The following BRINP3 variants were observed in gnomAD, a reference collection of about 807,000 sequenced individuals.
The protein encoded by BRINP3 is BMP/retinoic acid inducible neural specific 3, also known as BMP/retinoic acid-inducible neural-specific protein 3.
A neutral mutation model predicts 71.0 loss-of-function variants in BRINP3; 19 were observed. The ratio of observed to expected loss-of-function variants is 0.27; its 90% CI spans 0.19 to 0.39. The LOEUF (loss-of-function observed/expected upper bound fraction) is 0.39. Ranked by LOEUF, BRINP3 falls within the 10% of genes least tolerant of loss-of-function variation. BRINP3 has a pLI of 1.00. For missense variants in BRINP3, 959 were observed against 940.8 expected (o/e 1.02, Z -0.25); for synonymous variants, 380 against 337.7 (o/e 1.13, Z -1.37).
rs969375611 is a variant in BRINP3 at position 190,425,509 on chromosome 1, C to A, written c.236+29146G>T. Among the ~76,000 whole-genome samples the A allele has an allele frequency of 2.0e-5, 3 of 151,782 alleles. No homozygotes were observed. The South Asian group carries it at 6.2e-4, about 31-fold the overall frequency. Reference sequence around the variant, plus strand: ...ACAGTATGCTAGAACTAAGAAAGTGCCAATTCACTTGTTTCAAAGAAGTGT... The same window carrying A: ...ACAGTATGCTAGAACTAAGAAAGTGACAATTCACTTGTTTCAAAGAAGTGT... On this transcript the variant is annotated intron_variant, in intron 2 of 7. Coordinates refer to ENST00000367462, the MANE Select transcript of BRINP3 (RefSeq NM_199051.3).
intron 4 of BRINP3, among the ~76,000 whole-genome samples, chr1:190,257,776 C>T (rs559178487): frequency 6.6e-6 from 1 of 152,162 alleles, no homozygotes; most frequent in Non-Finnish European, 1.5e-5. Context: ...GAGGTCCACT[C>T]CAGACCCTGT....
chr1:190,474,002 C>G (rs1229026333), intron 1 of BRINP3, among the ~76,000 whole-genome samples: 2 of 152,010 alleles, frequency 1.3e-5, no homozygotes, highest in Non-Finnish European at 2.9e-5. Context: ...TCAAGAAACC[C>G]TTAATAGTTC....
chr1:190,249,719 T>A (rs1306787485), intron 4 of BRINP3, among the ~76,000 whole-genome samples: 1 of 151,818 alleles, frequency 6.6e-6, no homozygotes, highest in East Asian at 1.9e-4. Context: ...TTTAAGCCAT[T>A]TTTGAGTTAC....
chr1:190,211,889 T>C (rs1228552376), intron 6 of BRINP3, among the ~76,000 whole-genome samples: 1 of 152,052 alleles, frequency 6.6e-6, no homozygotes, highest in African/African-American at 2.4e-5. Context: ...CAGTCAGGCA[T>C]TGATAAGTCA....
chr1:190,442,019 A>T (rs1410267424), intron 2 of BRINP3, among the ~76,000 whole-genome samples: 1 of 152,152 alleles, frequency 6.6e-6, no homozygotes, highest in Admixed American at 6.5e-5. Flanking sequence ...TGTCATTTTC[A>T]ATCTTTAGAA....
At chr1:190,444,704 T>G (rs966982308) in intron 2 of BRINP3, among the ~76,000 whole-genome samples, 2 of 151,938 alleles carry the variant, frequency 1.3e-5, no homozygotes, top group East Asian at 1.9e-4. Flanking sequence ...CTCAGCTGAT[T>G]TATCTATTTG....
In BRINP3 at chr1:190,281,635, G is replaced by T; in HGVS notation, c.352C>A (p.Pro118Thr). Reference protein sequence around the residue: ...FRNIRLLGRRPTLQQITENLI... With the variant: ...FRNIRLLGRRTTLQQITENLI... ...TTTTCTGTGATTTGCTGAAGGGTAGGTCGACGTCCCAAAAGTCTTATGTTG... is the reference window on the plus strand; with the variant it reads ...TTTTCTGTGATTTGCTGAAGGGTAGTTCGACGTCCCAAAAGTCTTATGTTG... The change falls in exon 3 of 8, where the codon CCT becomes ACT. Residue 118 changes from proline to threonine, a missense_variant. Transcript: ENST00000367462. 1.2e-6 allele frequency: 2 copies of T among 1,612,960 alleles called. No individual in the cohort carries two copies. Among genetic ancestry groups the T allele is most frequent in the Non-Finnish European group, 1.7e-6 (2 of 1,179,322 alleles).
chr1:190,172,163 T>A (rs1228407197), intron 6 of BRINP3, among the ~76,000 whole-genome samples: 2 of 147,716 alleles, frequency 1.4e-5, no homozygotes, highest in Non-Finnish European at 3.0e-5. Flanking sequence ...AACTGCCTAC[T>A]AGATGAAAAA....
At chr1:190,338,795 C>A (rs1387889961) in intron 2 of BRINP3, among the ~76,000 whole-genome samples, 1 of 151,598 alleles carries the variant, frequency 6.6e-6, no homozygotes, top group Non-Finnish European at 1.5e-5. Context: ...TAATTTTAGA[C>A]TTAGAAAAGG....
intron 6 of BRINP3, among the ~76,000 whole-genome samples, chr1:190,223,165 T>C (rs1168116919): frequency 1.3e-5 from 2 of 151,838 alleles, no homozygotes; most frequent in Non-Finnish European, 2.9e-5. Flanking sequence ...CCAAACTCAT[T>C]ATATGAGGTC....
chr1:190,217,158 C>T (rs1387196910), intron 6 of BRINP3: 1 of 151,896 alleles, frequency 6.6e-6, no homozygotes, highest in Non-Finnish European at 1.5e-5. Flanking sequence ...AGTGCACTTG[C>T]ACATAATTCC....
chr1:190,240,626 T>G (rs1179884996), intron 4 of BRINP3, among the ~76,000 whole-genome samples: 1 of 151,894 alleles, frequency 6.6e-6, no homozygotes, highest in Non-Finnish European at 1.5e-5. Context: ...TCCCAGCACT[T>G]TGGGAGGCCG....
At chr1:190,388,166 C>T (rs1011607829) in intron 2 of BRINP3, among the ~76,000 whole-genome samples, 18 of 151,714 alleles carry the variant, frequency 1.2e-4, no homozygotes, top group African/African-American at 2.9e-4. Context: ...AGTGAGTTAC[C>T]CTTAAAACTG....
At chr1:190,265,476 C>A (rs761970362) in intron 3 of BRINP3, among the ~76,000 whole-genome samples, 3 of 151,150 alleles carry the variant, frequency 2.0e-5, no homozygotes, top group Non-Finnish European at 4.4e-5. Flanking sequence ...CCGAGGTGGG[C>A]GGATCATGAG....
chr1:190,207,348 A>G (rs112736279), intron 6 of BRINP3, among the ~76,000 whole-genome samples: 117 of 152,256 alleles, frequency 7.7e-4, no homozygotes, highest in African/African-American at 2.7e-3. Context: ...ATGCTTGTTC[A>G]GAGTTCACAC....
chr1:190,218,609 C>T (rs1394934582), intron 6 of BRINP3, among the ~76,000 whole-genome samples: 1 of 151,930 alleles, frequency 6.6e-6, no homozygotes, highest in East Asian at 1.9e-4. Context: ...GAAATATATT[C>T]TGTTGGCAAT....
At chr1:190,328,207 C>T (rs964507848) in intron 2 of BRINP3, among the ~76,000 whole-genome samples, 3 of 152,102 alleles carry the variant, frequency 2.0e-5, no homozygotes, top group Middle Eastern at 3.4e-3. Flanking sequence ...TAACTAAAAT[C>T]GGAGTGGAAC....
intron 7 of BRINP3, among the ~76,000 whole-genome samples, chr1:190,154,483 T>G (rs1041477864): frequency 6.6e-6 from 1 of 152,182 alleles, no homozygotes; most frequent in Non-Finnish European, 1.5e-5. Flanking sequence ...ATTTTTCTTT[T>G]GCATTGTTTT....
chr1:190,235,190 C>T (rs1387614121), intron 4 of BRINP3, among the ~76,000 whole-genome samples: 1 of 152,018 alleles, frequency 6.6e-6, no homozygotes, highest in Non-Finnish European at 1.5e-5. Context: ...TGTTATTTTA[C>T]CATTTCCATC....
Sources: allele counts gnomAD v4.1 joint callset (sites outside exome capture counted in the v4.1 genomes callset), GRCh38; gene constraint gnomAD v4.1.1; transcripts MANE v1.5; gene names NCBI Gene and HGNC (gene_info 2026-07-23, HGNC 2026-07-21).